Variants in TSC22D2 observed in about 807,000 individuals in gnomAD.
The protein encoded by TSC22D2 is TSC22 domain family protein 2.
A neutral mutation model predicts 50.1 loss-of-function variants in TSC22D2; 5 were observed. The ratio of observed to expected loss-of-function variants is 0.10; its 90% confidence interval spans 0.05 to 0.21. The LOEUF (loss-of-function observed/expected upper bound fraction) is 0.21, where lower values mean the gene tolerates loss of function less well. Ranked by LOEUF, TSC22D2 falls within the 10% of genes least tolerant of loss-of-function variation. The probability of loss-of-function intolerance (pLI) is 1.00; values close to 1 mark genes in which losing one functional copy is unlikely to be tolerated. For synonymous variants in TSC22D2, 501 were observed against 450.1 expected (o/e 1.11, Z -1.43); for missense variants, 1,003 against 1,015.5 (o/e 0.99, Z 0.17).
intron 1 of TSC22D2, among the ~76,000 whole-genome samples, chr3:150,416,685 G>T (rs534707717): frequency 1.5e-4 from 23 of 152,172 alleles, no homozygotes; most frequent in Admixed American, 4.6e-4. Context: ...AAAAAGGTAG[G>T]AACAGTAGCC....
Position 150,410,028 on chromosome 3 carries a change from GGTA to G in TSC22D2, c.684_686del (p.Val229del). On this transcript the variant is annotated inframe_deletion, in exon 1 of 3. Transcript: ENST00000688009. ...TGGGCGCCACCGGAGGGTCGGTGGTGGTAGTAGTGGCCTCCATGCAGGGGGCGC... is the reference window on the plus strand; with the variant it reads ...TGGGCGCCACCGGAGGGTCGGTGGTGGTAGTGGCCTCCATGCAGGGGGCGC... The G allele has an allele frequency of 6.2e-7, 1 of 1,613,358 alleles. No homozygotes were observed. Among genetic ancestry groups the G allele is most frequent in the Non-Finnish European group, 8.5e-7 (1 of 1,180,020 alleles).
chr3:150,443,768 A>G (rs116591855), intron 1 of TSC22D2, among the ~76,000 whole-genome samples: 2,287 of 152,364 alleles, frequency 0.015, 60 homozygotes, highest in African/African-American at 0.052. Context: ...GAGAGAACAC[A>G]TAGATACTTA....
At chr3:150,457,328 C>T (rs1264904189) in intron 2 of TSC22D2, among the ~76,000 whole-genome samples, 1 of 152,100 alleles carries the variant, frequency 6.6e-6, no homozygotes, top group Admixed American at 6.6e-5. Context: ...ATATTTCTTC[C>T]ATTTGAATAT....
chr3:150,413,824 G>C (rs1719685620), intron 1 of TSC22D2, among the ~76,000 whole-genome samples: 1 of 151,870 alleles, frequency 6.6e-6, no homozygotes, highest in Non-Finnish European at 1.5e-5. Flanking sequence ...TTTAAACTTT[G>C]CAAGTAGTTT....
At position 150,409,290 on chromosome 3, in the gene TSC22D2, C is replaced by G; in HGVS notation, c.-61C>G. 2 of 1,521,644 alleles carry G rather than the reference C, an allele frequency of 1.3e-6. No homozygotes were observed. Among genetic ancestry groups the G allele is most frequent in the Non-Finnish European group, 1.8e-6 (2 of 1,132,378 alleles). The allele number at this position is 1,521,644 out of a possible 1,614,324, so 94.3% of individuals were successfully genotyped here. On this transcript the variant is annotated 5_prime_UTR_variant, in exon 1 of 3. Transcript: ENST00000688009. The surrounding 1 kb of genome is among the most constrained non-coding windows in gnomAD (Gnocchi z 7.4). Reference sequence around the variant, plus strand: ...TTTGGGGGCCCGTGCTCTGCCCTCCCCGGTTTCCGACAGGACCCAGAGGAG... The same window carrying G: ...TTTGGGGGCCCGTGCTCTGCCCTCCGCGGTTTCCGACAGGACCCAGAGGAG...
At position 150,461,083 on chromosome 3, in the gene TSC22D2, AAGAC is replaced by A. The variant is rs1434964237; in HGVS notation, c.*2450_*2453del. The A allele has an allele frequency of 1.9e-4, 29 of 152,282 alleles. No homozygotes were observed. The highest frequency in any genetic ancestry group is 5.8e-4 in the East Asian group (3 of 5,192). 9.4% of individuals were successfully genotyped at this position (152,282 alleles called of 1,614,324 possible). ...AGTAGCAGGACTTAACATAGAAAGA[AAGAC>A]AGGCTTTCCTGTGTACTTTTAGAAA... On this transcript the variant is annotated 3_prime_UTR_variant, in exon 3 of 3. Coordinates refer to ENST00000688009, the MANE Select transcript of TSC22D2 (RefSeq NM_001303264.2).
chr3:150,448,701 AATAG>A (rs1720954714), intron 1 of TSC22D2, among the ~76,000 whole-genome samples: 1 of 152,064 alleles, frequency 6.6e-6, no homozygotes, highest in Non-Finnish European at 1.5e-5. Context: ...TGAATGTTTT[AATAG>A]ATTTTTAGTT....
chr3:150,431,406 A>AT (rs1213592579), intron 1 of TSC22D2, among the ~76,000 whole-genome samples: 1 of 152,024 alleles, frequency 6.6e-6, no homozygotes, highest in Non-Finnish European at 1.5e-5. Context: ...GCATATTCAG[A>AT]TTTTGTCAGT....
intron 1 of TSC22D2, among the ~76,000 whole-genome samples, chr3:150,422,328 T>A (rs576037497): frequency 2.6e-5 from 4 of 152,244 alleles, no homozygotes; most frequent in African/African-American, 9.6e-5. Flanking sequence ...TCATACTTAC[T>A]GGGAGATAGT....
At position 150,410,890 on chromosome 3, in the gene TSC22D2, C is replaced by T. The variant is rs368624066; in HGVS notation, c.1540C>T (p.Pro514Ser). Residue 514 changes from proline to serine, a missense_variant, in exon 1 of 3, where the codon CCC becomes TCC. By Grantham distance (74) the Pro-to-Ser change is moderately conservative. Around this residue, in one of 6 missense-constraint regions of TSC22D2, gnomAD observed 696 missense variants for 647.8 expected, o/e 1.07. Transcript: ENST00000688009. ...AGTTCCAAACGTGCCTGCAGCCGTG[C>T]CCGCTCCAAGCGTGCCTAGTGTGTC... ...PGVPNVPAAV[P>S]APSVPSVSTT... 6.2e-7 allele frequency: 1 copy of T among 1,613,970 alleles called. No individual in the cohort carries two copies. The highest frequency in any genetic ancestry group is 8.5e-7 in the Non-Finnish European group (1 of 1,180,032).
At chr3:150,417,417 T>C (rs1719853264) in intron 1 of TSC22D2, among the ~76,000 whole-genome samples, 1 of 152,130 alleles carries the variant, frequency 6.6e-6, no homozygotes, top group African/African-American at 2.4e-5. Context: ...CTACCTAGTC[T>C]TTGAAGACAA....
intron 1 of TSC22D2, among the ~76,000 whole-genome samples, chr3:150,448,558 G>A (rs897218069): frequency 1.3e-5 from 2 of 152,112 alleles, no homozygotes; most frequent in Non-Finnish European, 2.9e-5. Context: ...TAACATTTAA[G>A]TATTAACTTG....
rs1211021191 is a variant in TSC22D2, at chr3:150,466,344, G to A, written c.*7708G>A. 1 of 152,086 alleles carries A rather than the reference G, an allele frequency of 6.6e-6. No individual in the cohort carries two copies. Among genetic ancestry groups the A allele is most frequent in the Non-Finnish European group, 1.5e-5 (1 of 68,018 alleles). 9.4% of individuals were successfully genotyped at this position (152,086 alleles called of 1,614,324 possible). A position where few individuals can be genotyped will look rare whatever the true frequency, so the allele number is the denominator to read the frequency against. On this transcript the variant is annotated 3_prime_UTR_variant, in exon 3 of 3. Transcript: ENST00000688009. ...TTGGTAGCGTGCATTAGCTTTAACT[G>A]TAATGTTTGATGTTTTTGAATATGC...
At chr3:150,413,726 A>G (rs533324809) in intron 1 of TSC22D2, among the ~76,000 whole-genome samples, 1 of 152,062 alleles carries the variant, frequency 6.6e-6, no homozygotes, top group Non-Finnish European at 1.5e-5. Context: ...TTTAATTTTA[A>G]TGTGATTTTG....
intron 1 of TSC22D2, among the ~76,000 whole-genome samples, chr3:150,425,610 G>A (rs1435788498): frequency 1.3e-5 from 2 of 151,982 alleles, no homozygotes; most frequent in African/African-American, 4.8e-5. Flanking sequence ...AATTTGTCTC[G>A]CTATTACTAG....
At chr3:150,448,942 ACATGACT>A (rs1720962328) in intron 1 of TSC22D2, among the ~76,000 whole-genome samples, 3 of 151,874 alleles carry the variant, frequency 2.0e-5, no homozygotes, top group Non-Finnish European at 4.4e-5. Context: ...GTGTAAGTTT[ACATGACT>A]TTTTGTATTA....
rs758359665 is a variant in TSC22D2, at chr3:150,409,672, G to A, written c.322G>A (p.Val108Ile). 8 of 1,595,216 alleles carry A rather than the reference G, an allele frequency of 5.0e-6. No homozygotes were observed. The highest frequency in any genetic ancestry group is 6.0e-6 in the Non-Finnish European group (7 of 1,171,158). Reference protein sequence around the residue: ...AAAPANGGGVVSARSVSGALA... With the variant: ...AAAPANGGGVISARSVSGALA... ...TGCTCCCGCCAACGGAGGAGGAGTC[G>A]TTTCGGCCCGGAGCGTGTCTGGGGC... Residue 108 changes from valine to isoleucine, a missense_variant, in exon 1 of 3, where the codon GTT (valine) becomes ATT (isoleucine). By Grantham distance (29) the Val-to-Ile change is conservative. Coordinates refer to ENST00000688009, the MANE Select transcript of TSC22D2 (RefSeq NM_001303264.2). The surrounding 1 kb of genome is among the most constrained non-coding windows in gnomAD (Gnocchi z 7.4).
At chr3:150,455,705 T>G (rs1358226426) in intron 1 of TSC22D2, among the ~76,000 whole-genome samples, 1 of 152,204 alleles carries the variant, frequency 6.6e-6, no homozygotes, top group South Asian at 2.1e-4. Context: ...GATACAACAT[T>G]ATGGGTCCAC....
intron 1 of TSC22D2, among the ~76,000 whole-genome samples, chr3:150,421,855 G>A (rs377112455): frequency 1.3e-5 from 2 of 152,192 alleles, no homozygotes; most frequent in African/African-American, 4.8e-5. Flanking sequence ...TGCAAAGCTA[G>A]GTAGTAATGT....
Sources: gnomAD v4.1 joint callset for allele counts (sites outside exome capture counted in the v4.1 genomes callset) on GRCh38, gnomAD v4.1.1 for gene constraint, gnomAD v4.1.1 regional missense constraint, Gnocchi (gnomAD v3.1) non-coding constraint, MANE v1.5 for transcripts, NCBI Gene and HGNC (gene_info 2026-07-23, HGNC 2026-07-21) for gene names.